Variants in PRKCB observed in about 807,000 individuals in gnomAD.
PRKCB encodes the protein protein kinase C beta.
Under a neutral mutation model 81.5 loss-of-function variants are expected in PRKCB, and 13 were observed. That is an observed-to-expected ratio of 0.16 (90% CI 0.10 to 0.25). The LOEUF (loss-of-function observed/expected upper bound fraction) is 0.25. Among genes scored for constraint, PRKCB ranks in the 10% least tolerant of loss-of-function variants. The pLI, the probability that PRKCB is intolerant of heterozygous loss-of-function variation, is 1.00. For synonymous variants in PRKCB, 335 were observed against 321.4 expected (o/e 1.04, Z -0.45); for missense variants, 509 against 875.7 (o/e 0.58, Z 5.29).
At chr16:24,160,494 G>A (rs1967237869) in intron 10 of PRKCB, among the ~76,000 whole-genome samples, 2 of 152,054 alleles carry the variant, frequency 1.3e-5, no homozygotes, top group African/African-American at 2.4e-5. Context: ...ATCCCTAAAA[G>A]GGCATTACTG....
chr16:23,856,870 C>A (rs1177441813), intron 2 of PRKCB, among the ~76,000 whole-genome samples: 1 of 152,100 alleles, frequency 6.6e-6, no homozygotes, highest in Non-Finnish European at 1.5e-5. Flanking sequence ...CATGAGTGAA[C>A]TGGGTCAAAA....
At chr16:23,902,345 C>T (rs1963486824) in intron 2 of PRKCB, among the ~76,000 whole-genome samples, 1 of 152,202 alleles carries the variant, frequency 6.6e-6, no homozygotes, top group African/African-American at 2.4e-5. Flanking sequence ...GAGAGTTCCA[C>T]TGCATACCCC....
chr16:24,173,637 C>G (rs58576231), intron 11 of PRKCB, among the ~76,000 whole-genome samples: 1 of 152,302 alleles, frequency 6.6e-6, no homozygotes, highest in East Asian at 1.9e-4. Flanking sequence ...CAAGACATGT[C>G]AAGACACTTT....
chr16:24,065,059 A>AAATATATATATAT (rs1380022533), intron 5 of PRKCB, among the ~76,000 whole-genome samples: 10 of 147,904 alleles, frequency 6.8e-5, no homozygotes, highest in African/African-American at 2.4e-4. Context: ...AAAATAATAT[A>AAATATATATATAT]AATATATATA....
intron 2 of PRKCB, among the ~76,000 whole-genome samples, chr16:23,854,539 A>G (rs545008012): frequency 6.6e-6 from 1 of 152,100 alleles, no homozygotes; most frequent in African/African-American, 2.4e-5. Context: ...CAGGTCTTTC[A>G]TCTTCCAGTG....
In PRKCB at chr16:24,216,001, A is replaced by T; in HGVS notation, c.*1185A>T. The stretch of plus-strand genomic sequence containing the variant: ...CGAGATACAATAAAAAAAAAAAAAA[A>T]GAAAAGAAGAAGAAATACTATTTCA... On this transcript the variant is annotated 3_prime_UTR_variant, in exon 17 of 17. Transcript: ENST00000643927. 2 of 980,582 alleles carry T rather than the reference A, an allele frequency of 2.0e-6. No individual in the cohort carries two copies. The highest frequency in any genetic ancestry group is 2.4e-6 in the Non-Finnish European group (2 of 826,490). The allele number at this position is 980,582 out of a possible 1,614,324, so 60.7% of individuals were successfully genotyped here.
chr16:23,882,025 C>CTTTCTTTCTTTCTCTTT (rs1597226197), intron 2 of PRKCB, among the ~76,000 whole-genome samples: 8 of 18,306 alleles, frequency 4.4e-4, no homozygotes, highest in Admixed American at 7.9e-4. Flanking sequence ...TTTCTTTCTT[C>CTTTCTTTCTTTCTCTTT]CTTCCTTCCT....
At chr16:23,944,940 G>T (rs1466274041) in intron 2 of PRKCB, among the ~76,000 whole-genome samples, 1 of 152,204 alleles carries the variant, frequency 6.6e-6, no homozygotes, top group Non-Finnish European at 1.5e-5. Context: ...GAGAATGAGG[G>T]ACAGAGAGAG....
chr16:24,181,087 G>A (rs185646803), intron 13 of PRKCB, among the ~76,000 whole-genome samples, 159 bp downstream of exon 13: 135 of 152,272 alleles, frequency 8.9e-4, no homozygotes, highest in Middle Eastern at 3.4e-3. Flanking sequence ...GATCACACAT[G>A]CAAATTAATT....
At chr16:24,114,437 T>C (rs971455382) in intron 8 of PRKCB, among the ~76,000 whole-genome samples, 6 of 151,840 alleles carry the variant, frequency 4.0e-5, no homozygotes, top group Non-Finnish European at 7.4e-5. Context: ...TGGGGGTAGA[T>C]CTTCCCAGAG....
intron 2 of PRKCB, among the ~76,000 whole-genome samples, chr16:23,856,820 T>C (rs1448368120): frequency 6.6e-6 from 1 of 152,232 alleles, no homozygotes; most frequent in Non-Finnish European, 1.5e-5. Flanking sequence ...CCACTACTCC[T>C]GGCCTCATAC....
At chr16:23,875,060 G>A (rs7191734) in intron 2 of PRKCB, among the ~76,000 whole-genome samples, 27,954 of 146,670 alleles carry the variant, frequency 0.19, 3,032 homozygotes, top group East Asian at 0.32. Context: ...TTTTTGAGAC[G>A]GGGTCTTGCT....
At chr16:24,096,666 A>AATATATATATATAT (rs58341820) in intron 7 of PRKCB, among the ~76,000 whole-genome samples, 62 of 32,526 alleles carry the variant, frequency 1.9e-3, no homozygotes, top group South Asian at 3.1e-3. Context: ...AAAAAAAAAA[A>AATATATATATATAT]ATATATATAT....
At chr16:23,861,279 C>T (rs1962660056) in intron 2 of PRKCB, among the ~76,000 whole-genome samples, 1 of 152,072 alleles carries the variant, frequency 6.6e-6, no homozygotes, top group Non-Finnish European at 1.5e-5. Flanking sequence ...AGCAAACCTC[C>T]CACTTCAGCC....
chr16:23,986,951 A>G lies in PRKCB; in HGVS notation c.206-1557A>G, dbSNP rs1596499804. 3.9e-5 allele frequency among the ~76,000 whole-genome samples: 6 copies of G among 152,346 alleles called. No individual in the cohort carries two copies. In the East Asian group the frequency reaches 1.2e-3, roughly 29 times the overall value. ...AAGATGTTAATGTATCCTCAAAGATAAGGATTCTATAAGCAAAGAAAAACA... is the reference window on the plus strand; with the variant it reads ...AAGATGTTAATGTATCCTCAAAGATGAGGATTCTATAAGCAAAGAAAAACA... On this transcript the variant is annotated intron_variant, in intron 2 of 16. Transcript: ENST00000643927.
At chr16:23,870,776 A>T (rs1271799306) in intron 2 of PRKCB, among the ~76,000 whole-genome samples, 1 of 152,128 alleles carries the variant, frequency 6.6e-6, no homozygotes, top group Non-Finnish European at 1.5e-5. Context: ...TGGTGTATGA[A>T]TTTGCTTCTT....
At chr16:23,859,551 G>A (rs565455818) in intron 2 of PRKCB, among the ~76,000 whole-genome samples, 1 of 152,252 alleles carries the variant, frequency 6.6e-6, no homozygotes, top group Non-Finnish European at 1.5e-5. Context: ...GGAGAGGGGG[G>A]AGAAATGCCA....
chr16:24,147,336 G>A (rs1967008595), intron 9 of PRKCB, among the ~76,000 whole-genome samples: 1 of 150,626 alleles, frequency 6.6e-6, no homozygotes, highest in Middle Eastern at 3.2e-3. Context: ...CACAGCATAT[G>A]TGGAGGCAGA....
chr16:23,916,119 T>C (rs60055466), intron 2 of PRKCB, among the ~76,000 whole-genome samples: 24,264 of 151,850 alleles, frequency 0.16, 2,409 homozygotes, highest in East Asian at 0.36. Context: ...AGTGGGGTGA[T>C]CACAGCTCAC....
Sources: gnomAD v4.1 joint callset for allele counts (sites outside exome capture counted in the v4.1 genomes callset) on GRCh38, gnomAD v4.1.1 for gene constraint, MANE v1.5 for transcripts, NCBI Gene and HGNC (gene_info 2026-07-23, HGNC 2026-07-21) for gene names.